PAX5: variants seen among roughly 807,000 people sequenced by gnomAD.
PAX5 encodes the protein paired box 5, also known as paired box protein Pax-5.
A neutral mutation model predicts 43.7 loss-of-function variants in PAX5; 9 were observed. That is an observed-to-expected ratio of 0.21 (90% CI 0.12 to 0.36). PAX5 has a LOEUF of 0.36. Among genes scored for constraint, PAX5 ranks in the 10% least tolerant of loss-of-function variants. The pLI, the probability that PAX5 is intolerant of heterozygous loss-of-function variation, is 1.00. For synonymous variants in PAX5, 228 were observed against 214.3 expected (o/e 1.06, Z -0.56); for missense variants, 383 against 532.7 (o/e 0.72, Z 2.77).
At chr9:36,931,003 A>C in intron 6 of PAX5, 1 of 523,056 alleles carries the variant, frequency 1.9e-6, no homozygotes, top group Non-Finnish European at 3.5e-6. Flanking sequence ...GCAGCACAAA[A>C]GAGGGCAGCG....
intron 1 of PAX5, among the ~76,000 whole-genome samples, chr9:37,032,689 C>T (rs897036623): frequency 6.6e-6 from 1 of 152,214 alleles, no homozygotes; most frequent in African/African-American, 2.4e-5. Flanking sequence ...GGGAAGGGGG[C>T]TTCTTGCCAG....
chr9:37,027,643 GGC>G (rs1564093688), intron 1 of PAX5, among the ~76,000 whole-genome samples: 1 of 152,150 alleles, frequency 6.6e-6, no homozygotes, highest in East Asian at 1.9e-4. Context: ...CCGCCTGCTC[GGC>G]GCGCACAGTG....
intron 5 of PAX5, among the ~76,000 whole-genome samples, chr9:36,980,962 C>T (rs1351553527): frequency 6.6e-6 from 1 of 152,122 alleles, no homozygotes. Context: ...TTTCTGACCT[C>T]GTTTCCTCCC....
At chr9:36,848,624 C>T in intron 8 of PAX5, among the ~76,000 whole-genome samples, 1 of 152,132 alleles carries the variant, frequency 6.6e-6, no homozygotes, top group South Asian at 2.1e-4. Flanking sequence ...GGGACAGCGC[C>T]CTCCCCTCGG....
intron 1 of PAX5, among the ~76,000 whole-genome samples, chr9:37,026,101 T>C (rs1840333328): frequency 6.6e-6 from 1 of 152,152 alleles, no homozygotes; most frequent in African/African-American, 2.4e-5. Context: ...CCACTATCCC[T>C]CCAAGCGCCA....
chr9:37,025,565 C>T (rs1840261636), intron 1 of PAX5, among the ~76,000 whole-genome samples: 3 of 152,330 alleles, frequency 2.0e-5, no homozygotes, highest in Admixed American at 6.5e-5. Flanking sequence ...CCTGGCTCTG[C>T]AGCAAACAGA....
intron 9 of PAX5, 83 bp from the exon 10 acceptor site, chr9:36,840,719 C>T: frequency 1.2e-6 from 1 of 832,978 alleles, no homozygotes; most frequent in Non-Finnish European, 1.9e-6. Context: ...CTTTCCTCCC[C>T]TCACTCAGTC....
chr9:36,916,778 A>G (rs187339032), intron 7 of PAX5, among the ~76,000 whole-genome samples: 3 of 152,024 alleles, frequency 2.0e-5, no homozygotes, highest in Admixed American at 2.0e-4. Flanking sequence ...TCCATTTCCT[A>G]GGTTCAAGTG....
At chr9:36,985,729 C>A (rs1588148781) in intron 5 of PAX5, among the ~76,000 whole-genome samples, 1 of 152,280 alleles carries the variant, frequency 6.6e-6, no homozygotes, top group Middle Eastern at 3.4e-3. Context: ...CCCTCCAGGG[C>A]GCAAAGCACA....
intron 1 of PAX5, among the ~76,000 whole-genome samples, chr9:37,022,026 T>A (rs917826244): frequency 1.3e-5 from 2 of 152,086 alleles, no homozygotes; most frequent in Non-Finnish European, 2.9e-5. Flanking sequence ...AGTACTAAAC[T>A]ACAACCCAGG....
At chr9:36,935,528 A>G (rs946252942) in intron 6 of PAX5, among the ~76,000 whole-genome samples, 1 of 152,162 alleles carries the variant, frequency 6.6e-6, no homozygotes, top group Non-Finnish European at 1.5e-5. Context: ...ACAGGTTCCC[A>G]AGTGGTGGTG....
At chr9:36,934,674 G>A (rs1010315406) in intron 6 of PAX5, among the ~76,000 whole-genome samples, 1 of 152,174 alleles carries the variant, frequency 6.6e-6, no homozygotes, top group Non-Finnish European at 1.5e-5. Context: ...CCTCTTCCAG[G>A]AAGCCCTCAT....
chr9:36,854,413 T>A (rs532308890), intron 8 of PAX5, among the ~76,000 whole-genome samples: 1 of 152,242 alleles, frequency 6.6e-6, no homozygotes, highest in Admixed American at 6.5e-5. Context: ...TACAGATGTA[T>A]GTATGTTGGA....
At chr9:36,956,024 C>T (rs1833445217) in intron 6 of PAX5, among the ~76,000 whole-genome samples, 1 of 152,138 alleles carries the variant, frequency 6.6e-6, no homozygotes, top group Admixed American at 6.5e-5. Context: ...ACCCTCAAAA[C>T]AAACAAGGTG....
At position 36,857,221 on chromosome 9, in the gene PAX5, C is replaced by A. The variant is rs149029395; in HGVS notation, c.1013-10292G>T. ...CATGGTAGAAAGTAACATCTCTCCC[C>A]AAGTTTCTAAAGTTCTTCACTGTCC... is the stretch of plus-strand genomic sequence containing the variant. On this transcript the variant is annotated intron_variant, in intron 8 of 9. Coordinates refer to ENST00000358127, the MANE Select transcript of PAX5 (RefSeq NM_016734.3). 4.5e-3 allele frequency among the ~76,000 whole-genome samples: 689 copies of A among 152,320 alleles called. 3 individuals are homozygous for A. Among genetic ancestry groups the A allele is most frequent in the Non-Finnish European group, 7.3e-3 (494 of 68,032 alleles).
At position 36,965,579 on chromosome 9, in the gene PAX5, T is replaced by G. The variant is rs373237064; in HGVS notation, c.780+970A>C. ...GCACCTCGCCTCTCCATGGGAGCTG[T>G]GCAGGGAGGCTACACTGCTTGGACT... On this transcript the variant is annotated intron_variant, in intron 6 of 9. Transcript: ENST00000358127. Among the ~76,000 whole-genome samples, 13 of 152,328 alleles carry G rather than the reference T, an allele frequency of 8.5e-5. No homozygotes were observed. In the East Asian group the frequency reaches 2.5e-3, roughly 29 times the overall value.
At chr9:36,946,080 G>A (rs546164683) in intron 6 of PAX5, among the ~76,000 whole-genome samples, 2 of 152,086 alleles carry the variant, frequency 1.3e-5, no homozygotes, top group South Asian at 2.1e-4. Context: ...TCCCTGAGGA[G>A]TGCTCCGTCA....
intron 7 of PAX5, among the ~76,000 whole-genome samples, chr9:36,914,648 T>C (rs188625659): frequency 3.9e-5 from 6 of 152,352 alleles, no homozygotes; most frequent in Admixed American, 3.3e-4. Flanking sequence ...TCTTAATGAA[T>C]GTAATTTCAG....
intron 7 of PAX5, among the ~76,000 whole-genome samples, chr9:36,884,828 C>A (rs758053713): frequency 2.0e-5 from 3 of 152,226 alleles, no homozygotes; most frequent in Non-Finnish European, 4.4e-5. Flanking sequence ...TTGTGCAGGA[C>A]TTGAGCAACC....
Sources: allele counts gnomAD v4.1 joint callset (sites outside exome capture counted in the v4.1 genomes callset), GRCh38; gene constraint gnomAD v4.1.1; transcripts MANE v1.5; gene names NCBI Gene and HGNC (gene_info 2026-07-23, HGNC 2026-07-21).